The following ATAD2B variants were observed in gnomAD, a reference collection of about 807,000 sequenced individuals.
ATAD2B encodes the protein ATPase family AAA domain-containing protein 2B.
A neutral mutation model predicts 167.6 loss-of-function variants in ATAD2B; 40 were observed. That is an observed-to-expected ratio of 0.24 (90% CI 0.19 to 0.31). The LOEUF is 0.31. Ranked by LOEUF, ATAD2B falls within the 10% of genes least tolerant of loss-of-function variation. The pLI is 1.00. For synonymous variants in ATAD2B, 579 were observed against 596.5 expected (o/e 0.97, Z 0.43); for missense variants, 1,242 against 1,757.2 (o/e 0.71, Z 5.24).
chr2:23,693,388 G>A, the ATAD2B span: 2,601 of 1,551,752 alleles, frequency 1.7e-3, 66 homozygotes, highest in South Asian at 0.029. Flanking sequence ...CGAGGTGGCC[G>A]CCCAGGAGGA....
intron 1 of ATAD2B, among the ~76,000 whole-genome samples, chr2:23,907,603 A>C (rs529225857): frequency 6.6e-6 from 1 of 152,338 alleles, no homozygotes; most frequent in Non-Finnish European, 1.5e-5. Flanking sequence ...TTCTTCACAG[A>C]ATTGGAAAAA....
chr2:23,874,490 C>T (rs551615873), intron 8 of ATAD2B, among the ~76,000 whole-genome samples: 2 of 151,928 alleles, frequency 1.3e-5, no homozygotes, highest in Non-Finnish European at 2.9e-5. Context: ...ATCACTTGAG[C>T]CCAGGAGTTC....
intron 19 of ATAD2B, among the ~76,000 whole-genome samples, chr2:23,791,770 C>A (rs1384338695): frequency 6.6e-6 from 1 of 152,116 alleles, no homozygotes; most frequent in African/African-American, 2.4e-5. Context: ...TTTTGTTTAT[C>A]CTTTCAACTA....
the ATAD2B span, chr2:23,708,100 T>C: frequency 6.6e-6 from 1 of 152,216 alleles, no homozygotes; most frequent in Non-Finnish European, 1.5e-5. Context: ...CAACCATTTA[T>C]AAGAGAAAAA....
intron 2 of ATAD2B, among the ~76,000 whole-genome samples, chr2:23,892,050 T>C (rs1217815493): frequency 6.6e-6 from 1 of 152,244 alleles, no homozygotes; most frequent in Non-Finnish European, 1.5e-5. Flanking sequence ...TCAATTCTAA[T>C]ATGCCTCAGC....
At chr2:23,884,743 T>C (rs1314331787) in intron 6 of ATAD2B, 22 bp downstream of exon 6, 4 of 1,434,526 alleles carry the variant, frequency 2.8e-6, no homozygotes, top group Middle Eastern at 1.8e-4. Flanking sequence ...CTTTCTAGAA[T>C]TCCAAAAAGT....
intron 12 of ATAD2B, among the ~76,000 whole-genome samples, chr2:23,859,799 T>C (rs556325280): frequency 1.3e-5 from 2 of 151,146 alleles, no homozygotes; most frequent in South Asian, 4.2e-4. Context: ...AACACAAAAA[T>C]TAGCCACGCG....
the ATAD2B span, among the ~76,000 whole-genome samples, chr2:23,721,250 G>A: frequency 3.9e-5 from 6 of 152,164 alleles, no homozygotes; most frequent in Non-Finnish European, 8.8e-5. Flanking sequence ...CCCACCCCAT[G>A]CAGACAAGTC....
the ATAD2B span, chr2:23,703,268 G>C: frequency 6.5e-7 from 1 of 1,548,114 alleles, no homozygotes; most frequent in African/African-American, 1.4e-5. Context: ...AGTGTGTGGC[G>C]GCAAGATCTA....
At chr2:23,695,573 G>A in the ATAD2B span, 1 of 1,299,496 alleles carries the variant, frequency 7.7e-7, no homozygotes, top group Non-Finnish European at 1.1e-6. This position sits in a 1 kb window ranked among gnomAD's most constrained non-coding sequence, Gnocchi z 7.6. Flanking sequence ...CGTCCGGGAG[G>A]TGGCTCTCTC....
the ATAD2B span, among the ~76,000 whole-genome samples, chr2:23,727,259 A>T: frequency 2.4e-3 from 359 of 152,342 alleles, 2 homozygotes; most frequent in African/African-American, 8.0e-3. Context: ...CAATTTAAAA[A>T]TAGGCAAAAG....
At chr2:23,886,223 GTGATGCGCCCCACCATA>G (rs2150267479) in intron 4 of ATAD2B, among the ~76,000 whole-genome samples, 1 of 152,214 alleles carries the variant, frequency 6.6e-6, no homozygotes, top group Admixed American at 6.5e-5. Flanking sequence ...TGCAATTACA[GTGATGCGCCCCACCATA>G]TCCCAATTAA....
chr2:23,701,860 G>A, the ATAD2B span, among the ~76,000 whole-genome samples: 1 of 139,764 alleles, frequency 7.2e-6, no homozygotes, highest in Non-Finnish European at 1.5e-5. Flanking sequence ...GAGTGCAATG[G>A]CGCGATCTTG....
the ATAD2B span, among the ~76,000 whole-genome samples, chr2:23,736,348 C>T: frequency 6.6e-6 from 1 of 152,068 alleles, no homozygotes. Context: ...TTTAGTCCCC[C>T]ACTCTTAAAT....
chr2:23,703,951 A>C, the ATAD2B span: 1 of 1,393,564 alleles, frequency 7.2e-7, no homozygotes, highest in Non-Finnish European at 9.6e-7. Flanking sequence ...GCCATCAGTG[A>C]CCATAGCAAT....
intron 13 of ATAD2B, among the ~76,000 whole-genome samples, chr2:23,838,553 G>C (rs1191321913): frequency 1.3e-5 from 2 of 152,056 alleles, no homozygotes; most frequent in East Asian, 3.9e-4. Flanking sequence ...CAATATTCAA[G>C]GCCTACTTGC....
intron 11 of ATAD2B, 143 bp downstream of exon 11, chr2:23,864,666 C>T (rs1019848332): frequency 2.0e-5 from 9 of 450,938 alleles, no homozygotes; most frequent in South Asian, 5.0e-5. Context: ...GGACCCTAAA[C>T]AATAACATTT....
chr2:23,889,369 T>C (rs1334121949), intron 2 of ATAD2B, among the ~76,000 whole-genome samples: 1 of 152,026 alleles, frequency 6.6e-6, no homozygotes, highest in Non-Finnish European at 1.5e-5. Context: ...GGTTTCACCA[T>C]GTTGGTCAGG....
At chr2:23,881,759 T>C (rs1481542688) in intron 6 of ATAD2B, among the ~76,000 whole-genome samples, 2 of 152,144 alleles carry the variant, frequency 1.3e-5, no homozygotes, top group Admixed American at 1.3e-4. Context: ...GTTTTGCTCT[T>C]GTTGCCCAGA....
Sources: allele counts gnomAD v4.1 joint callset (sites outside exome capture counted in the v4.1 genomes callset), GRCh38; gene constraint gnomAD v4.1.1; non-coding constraint Gnocchi (gnomAD v3.1); transcripts MANE v1.5; gene names NCBI Gene and HGNC (gene_info 2026-07-23, HGNC 2026-07-21).